SLIT2: variants seen among roughly 807,000 people sequenced by gnomAD.
The protein encoded by SLIT2 is slit guidance ligand 2.
Under a neutral mutation model 185.7 loss-of-function variants are expected in SLIT2, and 41 were observed. The ratio of observed to expected loss-of-function variants is 0.22; its 90% CI spans 0.17 to 0.29. The LOEUF is 0.29. Ranked by LOEUF, SLIT2 falls within the 10% of genes least tolerant of loss-of-function variation. The pLI is 1.00. For missense variants in SLIT2, 1,571 were observed against 1,909.0 expected (o/e 0.82, Z 3.30); for synonymous variants, 693 against 680.2 (o/e 1.02, Z -0.29).
chr4:20,592,978 C>T (rs1421117500), intron 30 of SLIT2, among the ~76,000 whole-genome samples: 15 of 152,124 alleles, frequency 9.9e-5, no homozygotes, highest in African/African-American at 3.6e-4. Context: ...TTAATTCTTC[C>T]GCTCTCCAGC....
At position 20,438,105 on chromosome 4, in the gene SLIT2, C is replaced by G. The variant is rs141073463; in HGVS notation, c.396-29647C>G. ...GCACTCACCCCGTTTCTGGAATACT[C>G]TCTTTTCTGGTCTTTCTACTTCCAA... On this transcript the variant is annotated intron_variant, in intron 4 of 36. Coordinates refer to ENST00000504154, the MANE Select transcript of SLIT2 (RefSeq NM_004787.4). 5.1e-4 allele frequency among the ~76,000 whole-genome samples: 77 copies of G among 152,148 alleles called. 1 individual carries two copies. In the East Asian group the frequency reaches 0.013, roughly 26 times the overall value.
intron 4 of SLIT2, among the ~76,000 whole-genome samples, chr4:20,346,879 C>G (rs13138008): frequency 0.87 from 132,231 of 152,212 alleles, 57,620 homozygotes; most frequent in African/African-American, 0.92. Context: ...GGTCCTTCCA[C>G]GTTCTTCTGC....
chr4:20,498,656 G>C (rs1181283076), intron 9 of SLIT2, among the ~76,000 whole-genome samples: 1 of 152,148 alleles, frequency 6.6e-6, no homozygotes, highest in South Asian at 2.1e-4. Flanking sequence ...AATTTGGTTT[G>C]TTGTGTTTGC....
chr4:20,463,454 T>TG (rs1560444362), intron 4 of SLIT2, among the ~76,000 whole-genome samples: 1 of 31,446 alleles, frequency 3.2e-5, no homozygotes, highest in Non-Finnish European at 6.4e-5. Context: ...CTGTGATATA[T>TG]ATATATATAT....
intron 4 of SLIT2, among the ~76,000 whole-genome samples, chr4:20,311,974 A>G (rs1195263718): frequency 6.6e-6 from 1 of 152,206 alleles, no homozygotes. Flanking sequence ...TAATGGAATA[A>G]TGGTGTTTAG....
chr4:20,278,476 A>ATT (rs201212717), intron 4 of SLIT2, among the ~76,000 whole-genome samples: 2 of 151,754 alleles, frequency 1.3e-5, no homozygotes, highest in Non-Finnish European at 2.9e-5. Context: ...AACTTTCCTC[A>ATT]TTTTTTTTAA....
chr4:20,292,016 A>G (rs1577380133), intron 4 of SLIT2, among the ~76,000 whole-genome samples: 1 of 151,908 alleles, frequency 6.6e-6, no homozygotes, highest in Non-Finnish European at 1.5e-5. Flanking sequence ...CTATGGCTGG[A>G]CTATGGCTGA....
intron 4 of SLIT2, among the ~76,000 whole-genome samples, chr4:20,413,044 TA>T (rs1727379058): frequency 6.6e-6 from 1 of 152,142 alleles, no homozygotes; most frequent in Admixed American, 6.5e-5. Context: ...ATTGAAACTG[TA>T]AATCAGTTTG....
At chr4:20,457,178 A>G (rs1713168885) in intron 4 of SLIT2, among the ~76,000 whole-genome samples, 1 of 152,048 alleles carries the variant, frequency 6.6e-6, no homozygotes, top group Non-Finnish European at 1.5e-5. Flanking sequence ...GACCACAACC[A>G]GGCATAGCAT....
intron 28 of SLIT2, 29 bp from the exon 29 acceptor site, chr4:20,568,836 T>A: frequency 6.2e-7 from 1 of 1,600,958 alleles, no homozygotes; most frequent in Non-Finnish European, 8.5e-7. Context: ...CAAAAAGATG[T>A]TTTTTGCCTT....
At chr4:20,363,339 A>C (rs1722881520) in intron 4 of SLIT2, among the ~76,000 whole-genome samples, 1 of 152,174 alleles carries the variant, frequency 6.6e-6, no homozygotes, top group Non-Finnish European at 1.5e-5. Flanking sequence ...CCATTAATCC[A>C]CAGATATAAA....
At chr4:20,309,754 CTTTCTT>C (rs1717912129) in intron 4 of SLIT2, among the ~76,000 whole-genome samples, 1 of 92,760 alleles carries the variant, frequency 1.1e-5, no homozygotes, top group East Asian at 5.2e-4. Context: ...TCTAGTCTTT[CTTTCTT>C]TTTTTTTTTT....
At chr4:20,271,949 G>A (rs1577349712) in intron 4 of SLIT2, among the ~76,000 whole-genome samples, 1 of 151,970 alleles carries the variant, frequency 6.6e-6, no homozygotes, top group Admixed American at 6.6e-5. Context: ...ATTATGATTC[G>A]ACACACTTGG....
At chr4:20,310,593 T>C (rs965834054) in intron 4 of SLIT2, among the ~76,000 whole-genome samples, 2 of 152,204 alleles carry the variant, frequency 1.3e-5, no homozygotes, top group Non-Finnish European at 1.5e-5. Flanking sequence ...GATTATTACA[T>C]TGGTACTAAA....
intron 4 of SLIT2, among the ~76,000 whole-genome samples, chr4:20,285,753 G>A (rs1715204621): frequency 6.6e-6 from 1 of 152,124 alleles, no homozygotes; most frequent in African/African-American, 2.4e-5. Flanking sequence ...TCACCATATT[G>A]CCCAGGCAGG....
In SLIT2 at chr4:20,498,037, G is replaced by A. The variant is rs1356814431; in HGVS notation, c.914+6138G>A. On this transcript the variant is annotated intron_variant, in intron 9 of 36. Transcript: ENST00000504154. Reference sequence around the variant, plus strand: ...AAATACAAAAAATTAGCCAGGCGTGGCAGTGCGTGCCTGTAGTCCCAGCTA... The same window carrying A: ...AAATACAAAAAATTAGCCAGGCGTGACAGTGCGTGCCTGTAGTCCCAGCTA... 9.2e-5 allele frequency among the ~76,000 whole-genome samples: 14 copies of A among 152,104 alleles called. No homozygotes were observed. The East Asian group carries it at 2.5e-3, about 27-fold the overall frequency.
At chr4:20,450,420 A>G (rs1464584025) in intron 4 of SLIT2, among the ~76,000 whole-genome samples, 1 of 152,182 alleles carries the variant, frequency 6.6e-6, no homozygotes, top group Non-Finnish European at 1.5e-5. Flanking sequence ...ATTCCATTTT[A>G]TTCCACATGC....
chr4:20,262,055 A>T (rs923771927), intron 3 of SLIT2, among the ~76,000 whole-genome samples: 11 of 151,872 alleles, frequency 7.2e-5, no homozygotes, highest in African/African-American at 2.7e-4. Context: ...CCATGTAAGG[A>T]ATCTTGAACA....
At position 20,269,561 on chromosome 4, in the gene SLIT2, A is replaced by C. The variant is rs545729602; in HGVS notation, c.395+680A>C. 1.6e-3 allele frequency among the ~76,000 whole-genome samples: 244 copies of C among 152,086 alleles called. 2 individuals are homozygous for C. The highest frequency in any genetic ancestry group is 1.8e-3 in the Non-Finnish European group (121 of 67,902). The stretch of plus-strand genomic sequence containing the variant: ...AATAGTGAAAACACATTTTGAAAGC[A>C]TTTAAAATGAGATTTTCAGCCATAT... On this transcript the variant is annotated intron_variant, in intron 4 of 36. Coordinates refer to ENST00000504154, the MANE Select transcript of SLIT2 (RefSeq NM_004787.4).
Sources: gnomAD v4.1 joint callset for allele counts (sites outside exome capture counted in the v4.1 genomes callset) on GRCh38, gnomAD v4.1.1 for gene constraint, MANE v1.5 for transcripts, NCBI Gene and HGNC (gene_info 2026-07-23, HGNC 2026-07-21) for gene names.